The following ITPK1 variants were observed in gnomAD, a reference collection of about 807,000 sequenced individuals.
ITPK1 encodes the protein inositol-tetrakisphosphate 1-kinase.
Under a neutral mutation model 45.3 loss-of-function variants are expected in ITPK1, and 21 were observed. That is an observed-to-expected ratio of 0.46 (90% CI 0.33 to 0.67). The LOEUF (loss-of-function observed/expected upper bound fraction) is 0.67, where lower values mean the gene tolerates loss of function less well. ITPK1 is among the 30% of genes least tolerant of loss of function. The probability of loss-of-function intolerance (pLI) is 0.02; values close to 1 mark genes in which losing one functional copy is unlikely to be tolerated. For synonymous variants in ITPK1, 258 were observed against 253.6 expected, an observed-to-expected ratio of 1.02 and a Z score of -0.16; for missense variants, 474 against 573.5, an observed-to-expected ratio of 0.83 and a Z score of 1.77.
chr14:93,024,896 G>A (rs1888658660), intron 3 of ITPK1, among the ~76,000 whole-genome samples: 1 of 152,138 alleles, frequency 6.6e-6, no homozygotes, highest in South Asian at 2.1e-4. Flanking sequence ...AACACAGCTG[G>A]CTAGACGTCC....
intron 2 of ITPK1, among the ~76,000 whole-genome samples, chr14:93,107,158 A>G (rs1892560305): frequency 1.3e-5 from 2 of 152,170 alleles, no homozygotes; most frequent in Non-Finnish European, 2.9e-5. Flanking sequence ...GGTATTCACC[A>G]TGTTGCCCAG....
At chr14:93,112,730 AC>A (rs545648439) in intron 2 of ITPK1, among the ~76,000 whole-genome samples, 75 of 151,924 alleles carry the variant, frequency 4.9e-4, no homozygotes, top group African/African-American at 1.7e-3. Context: ...AAGACACGGC[AC>A]CCGGCCCAAA....
chr14:92,970,094 G>A (rs772435483), intron 5 of ITPK1, among the ~76,000 whole-genome samples: 3 of 152,116 alleles, frequency 2.0e-5, no homozygotes, highest in East Asian at 3.9e-4. Flanking sequence ...TCCCTCATCC[G>A]ACCGGTAGCA....
intron 2 of ITPK1, among the ~76,000 whole-genome samples, chr14:93,078,415 T>C (rs550593290): frequency 9.9e-5 from 15 of 152,282 alleles, no homozygotes; most frequent in Admixed American, 3.3e-4. Flanking sequence ...CAAGGAGAGC[T>C]GACCAGGTCC....
At chr14:92,961,212 G>A (rs1885053703) in intron 7 of ITPK1, among the ~76,000 whole-genome samples, 2 of 152,228 alleles carry the variant, frequency 1.3e-5, no homozygotes, top group African/African-American at 4.8e-5. Context: ...TGTGCCCACT[G>A]GGGAGACCCC....
chr14:92,981,969 C>T (rs1886256548), intron 5 of ITPK1, among the ~76,000 whole-genome samples: 1 of 152,156 alleles, frequency 6.6e-6, no homozygotes, highest in Admixed American at 6.6e-5. Flanking sequence ...GGCCAAGGGT[C>T]AAGAGGGGTG....
chr14:92,980,011 C>A (rs906048458), intron 5 of ITPK1, among the ~76,000 whole-genome samples: 22 of 152,040 alleles, frequency 1.4e-4, no homozygotes, highest in Admixed American at 1.2e-3. Context: ...GAACTCCTGA[C>A]GTCAAACGAT....
intron 2 of ITPK1, among the ~76,000 whole-genome samples, chr14:93,078,984 G>A (rs530667615): frequency 1.3e-5 from 2 of 152,004 alleles, no homozygotes; most frequent in South Asian, 2.1e-4. Context: ...ACTTCCACTG[G>A]GCTCTGGGCC....
chr14:93,024,127 C>G (rs527891410), intron 3 of ITPK1, among the ~76,000 whole-genome samples: 14 of 151,182 alleles, frequency 9.3e-5, no homozygotes, highest in African/African-American at 3.2e-4. Context: ...GTAACAAAGC[C>G]TGACCGCCCT....
At chr14:92,945,284 C>T (rs927563837) in intron 10 of ITPK1, among the ~76,000 whole-genome samples, 8 of 152,234 alleles carry the variant, frequency 5.3e-5, no homozygotes, top group Non-Finnish European at 5.9e-5. Context: ...TTGCTGTGGC[C>T]GGTGCTGCTG....
intron 2 of ITPK1, among the ~76,000 whole-genome samples, chr14:93,080,536 C>G (rs562247652): frequency 5.9e-5 from 9 of 152,274 alleles, no homozygotes; most frequent in African/African-American, 2.2e-4. Flanking sequence ...CAGTGGGGAC[C>G]ACCAGGCTGC....
chr14:93,060,354 A>G (rs1416876811), intron 3 of ITPK1, among the ~76,000 whole-genome samples: 1 of 152,152 alleles, frequency 6.6e-6, no homozygotes, highest in Admixed American at 6.5e-5. Context: ...CCTGGCTAAT[A>G]TGAAGAGGAA....
intron 10 of ITPK1, 50 bp from the exon 11 acceptor site, chr14:92,941,954 T>C (rs770684427): frequency 1.4e-5 from 22 of 1,524,922 alleles, no homozygotes; most frequent in Non-Finnish European, 2.0e-5. Flanking sequence ...GGGGCACGCA[T>C]CATGCAGGGA....
intron 5 of ITPK1, among the ~76,000 whole-genome samples, chr14:92,983,814 T>A (rs1886352812): frequency 1.4e-5 from 2 of 143,460 alleles, no homozygotes; most frequent in African/African-American, 5.4e-5. Context: ...TGCAGCCCAG[T>A]TTGTTTAAAA....
chr14:92,989,103 T>C (rs1382517552), intron 5 of ITPK1, among the ~76,000 whole-genome samples: 5 of 152,218 alleles, frequency 3.3e-5, no homozygotes, highest in Admixed American at 3.3e-4. Flanking sequence ...CAAAAGCTTT[T>C]TGGGGAATTA....
At position 92,937,521 on chromosome 14, in the gene ITPK1, C is replaced by G. The variant is rs2281513; in HGVS notation, c.*4040G>C. 5.9e-3 allele frequency: 904 copies of G among 152,376 alleles called. 15 individuals are homozygous for G. In the East Asian group the frequency reaches 0.074, roughly 12 times the overall value. The allele number at this position is 152,376 out of a possible 1,614,324, so 9.4% of individuals were successfully genotyped here. On this transcript the variant is annotated 3_prime_UTR_variant, in exon 11 of 11. Coordinates refer to ENST00000267615, the MANE Select transcript of ITPK1 (RefSeq NM_014216.6). Reference sequence around the variant, plus strand: ...TCTGGGTGCTCCTGCGGGTGAGAATCAGAAGAAGACCCCAACCAGCAGGAG... The same window carrying G: ...TCTGGGTGCTCCTGCGGGTGAGAATGAGAAGAAGACCCCAACCAGCAGGAG...
intron 4 of ITPK1, among the ~76,000 whole-genome samples, chr14:93,000,383 G>A (rs543287234): frequency 6.6e-6 from 1 of 152,324 alleles, no homozygotes; most frequent in South Asian, 2.1e-4. Flanking sequence ...AACAAGGGCA[G>A]TGACACAAAA....
intron 3 of ITPK1, among the ~76,000 whole-genome samples, chr14:93,041,916 CCT>C (rs1889578672): frequency 6.6e-6 from 1 of 152,180 alleles, no homozygotes; most frequent in Non-Finnish European, 1.5e-5. Context: ...CCTGCAGCCC[CCT>C]GTTAACCATA....
chr14:92,951,064 G>A (rs945448314), intron 9 of ITPK1, among the ~76,000 whole-genome samples: 4 of 152,252 alleles, frequency 2.6e-5, no homozygotes, highest in Non-Finnish European at 5.9e-5. Context: ...CACTGGAGTG[G>A]AGGCTGGTTC....
Sources: allele counts gnomAD v4.1 joint callset (sites outside exome capture counted in the v4.1 genomes callset), GRCh38; gene constraint gnomAD v4.1.1; transcripts MANE v1.5; gene names NCBI Gene and HGNC (gene_info 2026-07-23, HGNC 2026-07-21).